RPN1: variants seen among roughly 807,000 people sequenced by gnomAD.
RPN1 encodes the protein ribophorin I.
Under a neutral mutation model 55.5 loss-of-function variants are expected in RPN1, and 12 were observed. The observed-to-expected ratio is 0.22, with a 90% CI of 0.14 to 0.35. The LOEUF is 0.35. Ranked by LOEUF, RPN1 falls within the 10% of genes least tolerant of loss-of-function variation. RPN1 has a pLI of 1.00. For synonymous variants in RPN1, 317 were observed against 305.9 expected (o/e 1.04, Z -0.38); for missense variants, 679 against 761.3 (o/e 0.89, Z 1.27).
Position 128,637,792 on chromosome 3 carries a change from A to G in RPN1, c.633+7T>C. ...ACAGGGATGGGCTGGACTCCACCTG[A>G]GCTTACCTGACTATAGGCAGGCACA... On this transcript the variant is annotated splice_region_variant and intron_variant, in intron 3 of 9. Coordinates refer to ENST00000296255, the MANE Select transcript of RPN1 (RefSeq NM_002950.4). The G allele has an allele frequency of 2.5e-6, 4 of 1,609,512 alleles. No homozygotes were observed. Among genetic ancestry groups the G allele is most frequent in the Non-Finnish European group, 3.4e-6 (4 of 1,177,730 alleles).
chr3:128,640,695 T>C (rs1487597082), intron 2 of RPN1, among the ~76,000 whole-genome samples: 1 of 152,198 alleles, frequency 6.6e-6, no homozygotes, highest in African/African-American at 2.4e-5. Flanking sequence ...CCAGGCATCT[T>C]CTGATGCCTC....
chr3:128,626,861 A>T (rs754111391), intron 5 of RPN1, 29 bp from the exon 6 acceptor site: 2 of 1,599,286 alleles, frequency 1.3e-6, no homozygotes, highest in Non-Finnish European at 1.7e-6. Flanking sequence ...ATAAGCAATG[A>T]TGTGGAAAAC....
intron 2 of RPN1, among the ~76,000 whole-genome samples, chr3:128,639,315 G>A (rs1001195343): frequency 4.0e-5 from 6 of 151,802 alleles, no homozygotes; most frequent in South Asian, 2.1e-4. Context: ...ATAGCCGGGC[G>A]TTGTGGCGGG....
intron 6 of RPN1, among the ~76,000 whole-genome samples, chr3:128,626,262 G>T (rs898694597): frequency 5.9e-5 from 9 of 152,148 alleles, no homozygotes; most frequent in African/African-American, 2.2e-4. Flanking sequence ...CCACTCCCAA[G>T]TTCTCACCAG....
chr3:128,631,855 T>A, intron 4 of RPN1, 93 bp downstream of exon 4: 1 of 1,363,534 alleles, frequency 7.3e-7, no homozygotes, highest in Non-Finnish European at 1.0e-6. Flanking sequence ...CCTAAACAAC[T>A]GCCTAAATAT....
chr3:128,643,805 A>T (rs1276066038), intron 2 of RPN1, among the ~76,000 whole-genome samples: 1 of 151,934 alleles, frequency 6.6e-6, no homozygotes, highest in Admixed American at 6.6e-5. Context: ...AAAAAAAAAA[A>T]TACAAAAATT....
chr3:128,645,928 G>A (rs1377485872), intron 1 of RPN1, among the ~76,000 whole-genome samples: 1 of 152,034 alleles, frequency 6.6e-6, no homozygotes, highest in East Asian at 1.9e-4. Context: ...CATACTCAAA[G>A]AAATGTATTT....
chr3:128,630,332 G>T (rs2069632395), intron 4 of RPN1, among the ~76,000 whole-genome samples, 189 bp from the exon 5 acceptor site: 1 of 152,140 alleles, frequency 6.6e-6, no homozygotes, highest in African/African-American at 2.4e-5. Flanking sequence ...CTCAATCAAG[G>T]GTGCTAACTA....
At chr3:128,636,011 TTA>T (rs2069679530) in intron 3 of RPN1, among the ~76,000 whole-genome samples, 3 of 152,094 alleles carry the variant, frequency 2.0e-5, no homozygotes, top group Non-Finnish European at 2.9e-5. Context: ...ATATAACTTG[TTA>T]TATGATTTTG....
At chr3:128,633,962 A>G (rs2107716929) in intron 3 of RPN1, among the ~76,000 whole-genome samples, 1 of 150,912 alleles carries the variant, frequency 6.6e-6, no homozygotes, top group African/African-American at 2.4e-5. Flanking sequence ...CAGCCTGGGC[A>G]ACAGAGCGAG....
At chr3:128,631,816 G>T in intron 4 of RPN1, 132 bp downstream of exon 4, 3 of 897,714 alleles carry the variant, frequency 3.3e-6, no homozygotes, top group Non-Finnish European at 3.5e-6. Context: ...TTCTAACACT[G>T]CCAATCAACA....
At chr3:128,627,003 C>T (rs2069604090) in intron 5 of RPN1, 171 bp from the exon 6 acceptor site, 4 of 605,224 alleles carry the variant, frequency 6.6e-6, no homozygotes, top group Non-Finnish European at 5.9e-6. Context: ...CTGAACCCCA[C>T]AACACAGAGA....
intron 1 of RPN1, among the ~76,000 whole-genome samples, chr3:128,646,111 G>A (rs1249759580): frequency 6.6e-6 from 1 of 151,242 alleles, no homozygotes; most frequent in African/African-American, 2.4e-5. Flanking sequence ...GGGTGTGGTG[G>A]CGTGTGGAGG....
rs376545993 is a variant in RPN1, at chr3:128,630,305, A to G, written c.844-162T>C. 5.9e-5 allele frequency among the ~76,000 whole-genome samples: 9 copies of G among 152,202 alleles called. No individual in the cohort carries two copies. The East Asian group carries it at 1.2e-3, about 19-fold the overall frequency. ...CTAAAAAAGTCTAACTTTCCCCACA[A>G]AGGTTTGCGTCGACTTCTCAATCAA... On this transcript the variant is annotated intron_variant, in intron 4 of 9. Coordinates refer to ENST00000296255, the MANE Select transcript of RPN1 (RefSeq NM_002950.4).
intron 2 of RPN1, chr3:128,644,647 C>T: frequency 3.5e-6 from 2 of 575,544 alleles, no homozygotes; most frequent in Non-Finnish European, 6.5e-6. Flanking sequence ...GCAACAGACC[C>T]TGTCTCAAGA....
intron 2 of RPN1, chr3:128,644,385 T>C (rs1576799486): frequency 8.0e-6 from 2 of 249,214 alleles, no homozygotes; most frequent in East Asian, 2.1e-4. Flanking sequence ...CGTAATGGAC[T>C]CACGCCTATA....
chr3:128,620,213 T>TAA lies in RPN1; in HGVS notation c.*196_*197dup, dbSNP rs879221646. 2.7e-4 allele frequency: 90 copies of TAA among 331,958 alleles called. No homozygotes were observed. The highest frequency in any genetic ancestry group is 5.5e-4 in the South Asian group (4 of 7,254). The allele number at this position is 331,958 out of a possible 1,614,324, so 20.6% of individuals were successfully genotyped here. On this transcript the variant is annotated 3_prime_UTR_variant, in exon 10 of 10. Transcript: ENST00000296255. ...GAGTTTTTTTAAAGTTTTCTTTTTT[T>TAA]AAAAAAAAAAAAAAAGAAAGTTAAG...
In RPN1 at chr3:128,640,121, G is replaced by A. The variant is rs981774695; in HGVS notation, c.327-2016C>T. Among the ~76,000 whole-genome samples, 5 of 151,964 alleles carry A rather than the reference G, an allele frequency of 3.3e-5. No individual in the cohort carries two copies. The South Asian group carries it at 1.0e-3, about 32-fold the overall frequency. On this transcript the variant is annotated intron_variant, in intron 2 of 9. Coordinates refer to ENST00000296255, the MANE Select transcript of RPN1 (RefSeq NM_002950.4). ...TGGGAGGCGGAGGTTGCAGTGAGCCGAGATTGTGCCACTGCACTCCAGCCT... is the reference window on the plus strand; with the variant it reads ...TGGGAGGCGGAGGTTGCAGTGAGCCAAGATTGTGCCACTGCACTCCAGCCT...
chr3:128,647,826 T>A (rs1489468421), intron 1 of RPN1, among the ~76,000 whole-genome samples: 1 of 152,098 alleles, frequency 6.6e-6, no homozygotes, highest in Non-Finnish European at 1.5e-5. Context: ...GCCAAAATAT[T>A]TCAGATACAG....
Sources: gnomAD v4.1 joint callset for allele counts (sites outside exome capture counted in the v4.1 genomes callset) on GRCh38, gnomAD v4.1.1 for gene constraint, MANE v1.5 for transcripts, NCBI Gene and HGNC (gene_info 2026-07-23, HGNC 2026-07-21) for gene names.